CA10: variants seen among roughly 807,000 people sequenced by gnomAD.
The protein encoded by CA10 is carbonic anhydrase 10 (inactive).
Under a neutral mutation model 44.2 loss-of-function variants are expected in CA10, and 14 were observed. The observed-to-expected ratio is 0.32, with a 90% CI of 0.21 to 0.50. The LOEUF is 0.50. CA10 is among the 20% of genes least tolerant of loss of function. The pLI is 0.99. For synonymous variants in CA10, 159 were observed against 141.6 expected, an observed-to-expected ratio of 1.12 and a Z score of -0.87; for missense variants, 350 against 409.7, an observed-to-expected ratio of 0.85 and a Z score of 1.26.
At chr17:52,003,389 A>C (rs1278119647) in intron 2 of CA10, among the ~76,000 whole-genome samples, 1 of 151,874 alleles carries the variant, frequency 6.6e-6, no homozygotes, top group Admixed American at 6.6e-5. Context: ...ACCACAGTAC[A>C]TTGTAAGAGC....
At chr17:51,640,539 G>T (rs1913038869) in intron 6 of CA10, among the ~76,000 whole-genome samples, 1 of 152,164 alleles carries the variant, frequency 6.6e-6, no homozygotes, top group Non-Finnish European at 1.5e-5. Context: ...TCATCATGCT[G>T]CCTCAGAGGC....
In CA10 at chr17:51,633,483, C is replaced by T. The variant is rs1176376057; in HGVS notation, c.957G>A (p.Gln319=). ...CTGAGCCACCAAACCCACCTCTATACTGAAGCTTCTGGGCTCGGTTGTTTG... is the reference window on the plus strand; with the variant it reads ...CTGAGCCACCAAACCCACCTCTATATTGAAGCTTCTGGGCTCGGTTGTTTG... ...DCPNNRAQKL[Q]YRVNEWLLK The change falls in exon 8 of 9, where the codon CAG becomes CAA. Residue 319 remains glutamine, a synonymous_variant. Coordinates refer to ENST00000451037, the MANE Select transcript of CA10 (RefSeq NM_020178.5). 3 of 1,613,224 alleles carry T rather than the reference C, an allele frequency of 1.9e-6. No individual in the cohort carries two copies.
At chr17:51,682,871 A>C (rs928016836) in intron 4 of CA10, among the ~76,000 whole-genome samples, 1 of 152,126 alleles carries the variant, frequency 6.6e-6, no homozygotes, top group Non-Finnish European at 1.5e-5. Flanking sequence ...TGATACATAC[A>C]TCATTCCATT....
At chr17:51,744,649 T>C (rs1213743534) in intron 4 of CA10, among the ~76,000 whole-genome samples, 1 of 151,862 alleles carries the variant, frequency 6.6e-6, no homozygotes, top group Non-Finnish European at 1.5e-5. Flanking sequence ...ATAATTCCAG[T>C]AATATGAAGT....
intron 4 of CA10, among the ~76,000 whole-genome samples, chr17:51,654,011 C>G (rs1913681414): frequency 6.6e-6 from 1 of 152,220 alleles, no homozygotes; most frequent in African/African-American, 2.4e-5. Context: ...GGCTCCATCC[C>G]AGGACATTTC....
intron 2 of CA10, among the ~76,000 whole-genome samples, chr17:52,007,556 G>A (rs1985642673): frequency 6.6e-6 from 1 of 151,488 alleles, no homozygotes; most frequent in South Asian, 2.1e-4. Flanking sequence ...TTTTATGATA[G>A]TGGCCTATGG....
chr17:51,935,973 C>T (rs966922715), intron 2 of CA10, among the ~76,000 whole-genome samples: 6 of 152,158 alleles, frequency 3.9e-5, no homozygotes, highest in Admixed American at 3.3e-4. Context: ...TGCTTTTAGG[C>T]ATCTTCCTTA....
At chr17:51,684,539 G>T (rs1043331030) in intron 4 of CA10, among the ~76,000 whole-genome samples, 1 of 152,172 alleles carries the variant, frequency 6.6e-6, no homozygotes, top group African/African-American at 2.4e-5. Context: ...TACCCAAAAC[G>T]TGCCATGCCC....
chr17:51,902,668 T>C (rs1397461291), intron 3 of CA10, among the ~76,000 whole-genome samples: 1 of 152,172 alleles, frequency 6.6e-6, no homozygotes, highest in Non-Finnish European at 1.5e-5. Context: ...ATCAGCTATC[T>C]AAGATATTTA....
At chr17:51,815,961 T>C (rs939930916) in intron 3 of CA10, among the ~76,000 whole-genome samples, 4 of 152,200 alleles carry the variant, frequency 2.6e-5, no homozygotes, top group Admixed American at 6.5e-5. Context: ...TTTTAATGTA[T>C]ACAATTAAAT....
chr17:52,134,895 C>G (rs763577148), intron 1 of CA10: 2 of 519,022 alleles, frequency 3.9e-6, no homozygotes, highest in Non-Finnish European at 7.7e-6. Flanking sequence ...CCCTCACCCC[C>G]ACCATACACA....
chr17:52,105,267 T>TG (rs1298227707), intron 1 of CA10, among the ~76,000 whole-genome samples: 4 of 151,712 alleles, frequency 2.6e-5, no homozygotes, highest in Admixed American at 6.6e-5. Flanking sequence ...TTGTTTTTTT[T>TG]TTTTGAAATG....
intron 4 of CA10, among the ~76,000 whole-genome samples, chr17:51,712,033 T>A (rs1915958206): frequency 6.6e-6 from 1 of 152,160 alleles, no homozygotes; most frequent in Non-Finnish European, 1.5e-5. Flanking sequence ...TGTTGAGTGA[T>A]CTTAGGCAAG....
At chr17:51,857,393 A>T (rs890325041) in intron 3 of CA10, among the ~76,000 whole-genome samples, 1 of 152,136 alleles carries the variant, frequency 6.6e-6, no homozygotes, top group East Asian at 1.9e-4. Context: ...CTACCACCAC[A>T]TGCTACTGAT....
intron 2 of CA10, among the ~76,000 whole-genome samples, chr17:52,044,306 TTTTTTA>T (rs1234557603): frequency 1.3e-5 from 2 of 152,056 alleles, no homozygotes; most frequent in South Asian, 2.1e-4. Flanking sequence ...TGGGAATTTA[TTTTTTA>T]TTTTTATTTA....
At chr17:51,967,870 A>T (rs1235641840) in intron 2 of CA10, among the ~76,000 whole-genome samples, 1 of 151,762 alleles carries the variant, frequency 6.6e-6, no homozygotes, top group Non-Finnish European at 1.5e-5. Context: ...AAGGAGATAG[A>T]ATACGAAAAA....
At chr17:51,968,388 G>A (rs1414147465) in intron 2 of CA10, among the ~76,000 whole-genome samples, 2 of 151,890 alleles carry the variant, frequency 1.3e-5, no homozygotes, top group South Asian at 2.1e-4. Context: ...ATACTACTCA[G>A]TAATAAAAAG....
chr17:51,694,633 G>A (rs540004256), intron 4 of CA10, among the ~76,000 whole-genome samples: 2 of 151,450 alleles, frequency 1.3e-5, no homozygotes, highest in Non-Finnish European at 2.9e-5. Context: ...AGCTTCTTTT[G>A]CTGTGTAGAA....
chr17:51,906,154 T>C (rs1463008703), intron 3 of CA10, among the ~76,000 whole-genome samples: 1 of 152,176 alleles, frequency 6.6e-6, no homozygotes, highest in Non-Finnish European at 1.5e-5. Flanking sequence ...TTTTGATCCC[T>C]ATTTCTCTCT....
Sources: allele counts gnomAD v4.1 joint callset (sites outside exome capture counted in the v4.1 genomes callset), GRCh38; gene constraint gnomAD v4.1.1; transcripts MANE v1.5; gene names NCBI Gene and HGNC (gene_info 2026-07-23, HGNC 2026-07-21).